Variants in CLBA1 observed in about 807,000 individuals in gnomAD.
The protein encoded by CLBA1 is uncharacterized protein CLBA1.
CLBA1 carries 30 observed loss-of-function variants against 28.8 expected under a neutral mutation model. The observed-to-expected ratio is 1.04, with a 90% CI of 0.78 to 1.41. CLBA1 has a LOEUF of 1.41. Among genes scored for constraint, CLBA1 ranks in the 40% most tolerant of loss-of-function variants. The probability of loss-of-function intolerance (pLI) is 0.00; values close to 1 mark genes in which losing one functional copy is unlikely to be tolerated. For missense variants in CLBA1, 451 were observed against 412.3 expected, an observed-to-expected ratio of 1.09 and a Z score of -0.81; for synonymous variants, 160 against 152.8, an observed-to-expected ratio of 1.05 and a Z score of -0.35.
chr14:104,992,360 G>A (rs1900058670), intron 3 of CLBA1, among the ~76,000 whole-genome samples: 2 of 152,260 alleles, frequency 1.3e-5, no homozygotes, highest in Admixed American at 6.5e-5. Flanking sequence ...CCTTTTCAGA[G>A]ATCTAGATTT....
chr14:104,995,343 C>G lies in CLBA1; in HGVS notation c.*584C>G. 1 of 985,444 alleles carries G rather than the reference C, an allele frequency of 1.0e-6. No individual in the cohort carries two copies. The highest frequency in any genetic ancestry group is 1.2e-6 in the Non-Finnish European group (1 of 829,956). The allele number at this position is 985,444 out of a possible 1,614,324, so 61.0% of individuals were successfully genotyped here. ...CTGCCCAGCAGCCTCAAGGACAGGCCTTTGTCCCTCACGGTTGTGGACAGG... is the reference window on the plus strand; with the variant it reads ...CTGCCCAGCAGCCTCAAGGACAGGCGTTTGTCCCTCACGGTTGTGGACAGG... On this transcript the variant is annotated 3_prime_UTR_variant, in exon 5 of 5. Coordinates refer to ENST00000547315, the MANE Select transcript of CLBA1 (RefSeq NM_174891.4).
Position 104,986,471 on chromosome 14 carries a change from G to T in CLBA1, c.40G>T (p.Asp14Tyr), listed in dbSNP as rs1899863932. 6.2e-7 allele frequency: 1 copy of T among 1,613,248 alleles called. No homozygotes were observed. Among genetic ancestry groups the T allele is most frequent in the Admixed American group, 1.7e-5 (1 of 60,032 alleles). ...GGAGCTGGGGGGAGAGCCTTTGAGT[G>T]ACCTCCAGGAGGAAGCAGCCAGCGC... ...RRELGGEPLSDLQEEAASASL... is the reference protein window; with the variant it reads ...RRELGGEPLSYLQEEAASASL... Residue 14 changes from aspartate (D) to tyrosine (Y), a missense_variant, in exon 1 of 5, where the codon GAC becomes TAC. Asp to Tyr is a radical substitution (Grantham distance 160). Transcript: ENST00000547315.
intron 2 of CLBA1, chr14:104,990,997 T>G (rs1900003079): frequency 1.2e-5 from 2 of 160,664 alleles, no homozygotes; most frequent in African/African-American, 4.8e-5. Context: ...AGCCCAGTGC[T>G]CCTGCAGGGA....
At chr14:105,000,685 G>A (rs1394086548) in intron 2 of CLBA1, among the ~76,000 whole-genome samples, 1 of 152,098 alleles carries the variant, frequency 6.6e-6, no homozygotes, top group Non-Finnish European at 1.5e-5. Context: ...TCAGGGAAAT[G>A]CAAATCAAGA....
Position 104,986,495 on chromosome 14 carries a change from G to A in CLBA1, c.64G>A (p.Ala22Thr). 1 of 1,613,586 alleles carries A rather than the reference G, an allele frequency of 6.2e-7. No homozygotes were observed. Among genetic ancestry groups the A allele is most frequent in the Non-Finnish European group, 8.5e-7 (1 of 1,180,006 alleles). ...TGACCTCCAGGAGGAAGCAGCCAGC[G>A]CTTCCCTCCGAGTGGCACCTGAGAG... Reference protein sequence around the residue: ...LSDLQEEAASASLRVAPERLS... With the variant: ...LSDLQEEAASTSLRVAPERLS... The change falls in exon 1 of 5, where the codon GCT (alanine) becomes ACT (threonine). Residue 22 changes from alanine to threonine, a missense_variant. Ala to Thr is a moderately conservative substitution (Grantham distance 58, BLOSUM62 0). Coordinates refer to ENST00000547315, the MANE Select transcript of CLBA1 (RefSeq NM_174891.4).
At chr14:104,989,213 C>A in intron 2 of CLBA1, 125 bp downstream of exon 2, 1 of 971,162 alleles carries the variant, frequency 1.0e-6, no homozygotes, top group Non-Finnish European at 1.5e-6. Context: ...TCCCTGCCAT[C>A]TGTGGGTCAT....
chr14:104,987,310 G>A (rs180920533), intron 1 of CLBA1, among the ~76,000 whole-genome samples: 4 of 152,304 alleles, frequency 2.6e-5, no homozygotes, highest in Admixed American at 2.6e-4. Flanking sequence ...CAACCTGTCC[G>A]GGAGCTTGTA....
intron 4 of CLBA1, 135 bp downstream of exon 4, chr14:104,993,199 C>T (rs532581009): frequency 6.6e-7 from 1 of 1,507,026 alleles, no homozygotes; most frequent in African/African-American, 1.4e-5. Flanking sequence ...AGAAAACAAA[C>T]ATTTGTGCTA....
At chr14:104,988,005 G>C (rs1443017720) in intron 1 of CLBA1, among the ~76,000 whole-genome samples, 1 of 152,088 alleles carries the variant, frequency 6.6e-6, no homozygotes, top group Non-Finnish European at 1.5e-5. Context: ...AAGGTCTGCT[G>C]TAATGCTTGT....
At position 104,991,920 on chromosome 14, in the gene CLBA1, CCGCCGCCACGCACATGCCACCACGCACA is replaced by C. The variant is rs567792426; in HGVS notation, c.699+315_699+342del. Among the ~76,000 whole-genome samples, 52 of 152,130 alleles carry C rather than the reference CCGCCGCCACGCACATGCCACCACGCACA, an allele frequency of 3.4e-4. No individual in the cohort carries two copies. In the South Asian group the frequency reaches 8.7e-3, roughly 26 times the overall value. On this transcript the variant is annotated intron_variant, in intron 3 of 4. Coordinates refer to ENST00000547315, the MANE Select transcript of CLBA1 (RefSeq NM_174891.4). ...CAGTGTGTGTGCACTCATGCCACTG[CCGCCGCCACGCACATGCCACCACGCACA>C]CGCCGCCACGCACACGCCGCCACAC... is the stretch of plus-strand genomic sequence containing the variant.
intron 3 of CLBA1, among the ~76,000 whole-genome samples, chr14:104,992,119 ACGC>A (rs1010008328): frequency 1.4e-5 from 2 of 145,854 alleles, no homozygotes; most frequent in African/African-American, 2.6e-5. Flanking sequence ...CGCCATGCAC[ACGC>A]CACCACGCAC....
chr14:104,987,457 T>C (rs1899895635), intron 1 of CLBA1, among the ~76,000 whole-genome samples: 1 of 152,162 alleles, frequency 6.6e-6, no homozygotes, highest in Non-Finnish European at 1.5e-5. Context: ...TCTTTTCCTG[T>C]CTTCTTCCTT....
chr14:104,992,871 A>G, intron 3 of CLBA1, 77 bp from the exon 4 acceptor site: 2 of 1,169,146 alleles, frequency 1.7e-6, no homozygotes, highest in Non-Finnish European at 2.6e-6. Context: ...TGAAATTAGT[A>G]GAGGGGCTCA....
intron 1 of CLBA1, 103 bp downstream of exon 1, chr14:104,986,957 A>T: frequency 2.2e-6 from 3 of 1,345,752 alleles, no homozygotes; most frequent in Non-Finnish European, 3.1e-6. Flanking sequence ...GAGGGGGCTG[A>T]CAGCCCCAGA....
intron 3 of CLBA1, among the ~76,000 whole-genome samples, chr14:104,992,653 G>C (rs1360939012): frequency 6.6e-6 from 1 of 152,224 alleles, no homozygotes; most frequent in Non-Finnish European, 1.5e-5. Context: ...CCTCAGGTGC[G>C]GGCCAGCTCC....
downstream of CLBA1, among the ~76,000 whole-genome samples, chr14:104,995,689 T>C (rs1385666433): frequency 6.6e-6 from 1 of 152,186 alleles, no homozygotes; most frequent in Non-Finnish European, 1.5e-5. Context: ...TGCACAGTGA[T>C]GGGCAGGAGT....
In CLBA1 at chr14:104,991,569, C is replaced by T. The variant is rs1480740431; in HGVS notation, c.648C>T (p.Ser216=). The part of the protein sequence containing the change: ...TSTSQRLWSE[S]RCQENFFLVL... ...CTTCTCAGCGCCTCTGGAGCGAGTC[C>T]CGTTGCCAGGAGAACTTCTTTCTTG... Residue 216 remains serine (S), a synonymous_variant, in exon 3 of 5, where the codon TCC becomes TCT. Coordinates refer to ENST00000547315, the MANE Select transcript of CLBA1 (RefSeq NM_174891.4). 2 of 1,613,746 alleles carry T rather than the reference C, an allele frequency of 1.2e-6. No homozygotes were observed. The highest frequency in any genetic ancestry group is 1.7e-6 in the Non-Finnish European group (2 of 1,179,840).
chr14:104,990,222 G>A (rs749069538), intron 2 of CLBA1: 115 of 162,404 alleles, frequency 7.1e-4, no homozygotes, highest in African/African-American at 2.3e-3. Context: ...CTGGACACTC[G>A]TGGGACAGAA....
intron 2 of CLBA1, chr14:104,990,189 C>T (rs1358563827): frequency 6.2e-6 from 1 of 162,524 alleles, no homozygotes; most frequent in Non-Finnish European, 1.4e-5. Context: ...ATGGGGAGTC[C>T]TGGGTGTCAG....
Sources: allele counts gnomAD v4.1 joint callset (sites outside exome capture counted in the v4.1 genomes callset), GRCh38; gene constraint gnomAD v4.1.1; transcripts MANE v1.5; gene names NCBI Gene and HGNC (gene_info 2026-07-23, HGNC 2026-07-21).